Variants in BBS12 observed in about 807,000 individuals in gnomAD.
BBS12 encodes chaperonin-containing T-complex member BBS12.
BBS12 carries 5 observed loss-of-function variants against 5.6 expected under a neutral mutation model. The observed-to-expected ratio is 0.89, with a 90% confidence interval of 0.46 to 1.86. BBS12 has a LOEUF of 1.86. Ranked by LOEUF, BBS12 falls within the 40% of genes most tolerant of loss-of-function variation. The pLI is 0.01. For synonymous variants in BBS12, 308 were observed against 306.8 expected (o/e 1.00, Z -0.04); for missense variants, 748 against 830.4 (o/e 0.90, Z 1.22).
intron 1 of BBS12, among the ~76,000 whole-genome samples, chr4:122,738,000 A>T (rs932689902): frequency 3.9e-5 from 6 of 152,240 alleles, no homozygotes; most frequent in African/African-American, 1.4e-4. Context: ...CTCCTACCTT[A>T]CACTTTATAT....
At chr4:122,706,544 T>G in the BBS12 span, among the ~76,000 whole-genome samples, 4 of 152,124 alleles carry the variant, frequency 2.6e-5, no homozygotes, top group Non-Finnish European at 4.4e-5. Context: ...AAGACCAGCC[T>G]GAGTAACATG....
chr4:122,708,904 A>G, the BBS12 span, among the ~76,000 whole-genome samples: 3 of 152,194 alleles, frequency 2.0e-5, no homozygotes, highest in Admixed American at 6.5e-5. Context: ...ACTAAGGCTC[A>G]TTGTTATAAC....
At position 122,743,843 on chromosome 4, in the gene BBS12, G is replaced by A. The variant is rs1277602208; in HGVS notation, c.1951G>A (p.Asp651Asn). 3.7e-6 allele frequency: 6 copies of A among 1,605,804 alleles called. No homozygotes were observed. Among genetic ancestry groups the A allele is most frequent in the Non-Finnish European group, 5.1e-6 (6 of 1,176,576 alleles). Residue 651 changes from aspartate to asparagine, a missense_variant, in exon 2 of 2, where the codon GAC becomes AAC. Physicochemically the swap from Asp to Asn is conservative, Grantham distance 23. Coordinates refer to ENST00000314218, the MANE Select transcript of BBS12 (RefSeq NM_152618.3). ...SKLNSRIFNS[D>N]ISNKLEQIPR... ...ACTAAATAGTAGAATTTTTAATTCA[G>A]ACATTTCAAATAAACTGGAGCAGAT...
chr4:122,707,299 A>G, the BBS12 span, among the ~76,000 whole-genome samples: 1 of 71,138 alleles, frequency 1.4e-5, no homozygotes, highest in Admixed American at 1.5e-4. Flanking sequence ...GTAAATTATC[A>G]TTTGTTTCCC....
chr4:122,739,830 C>G (rs569350200), intron 1 of BBS12, among the ~76,000 whole-genome samples: 18 of 152,364 alleles, frequency 1.2e-4, no homozygotes, highest in African/African-American at 3.8e-4. Context: ...TATTAGAACA[C>G]GTCCCATGCC....
chr4:122,713,619 T>G, the BBS12 span, among the ~76,000 whole-genome samples: 1 of 152,380 alleles, frequency 6.6e-6, no homozygotes, highest in South Asian at 2.1e-4. Flanking sequence ...CCAACTCAAC[T>G]CTATCCTATG....
chr4:122,703,622 A>G, the BBS12 span, among the ~76,000 whole-genome samples: 1 of 152,164 alleles, frequency 6.6e-6, no homozygotes, highest in East Asian at 1.9e-4. Flanking sequence ...CATGCTTCCC[A>G]TAGTACCTCC....
At chr4:122,713,770 G>T in the BBS12 span, among the ~76,000 whole-genome samples, 97 of 152,288 alleles carry the variant, frequency 6.4e-4, 2 homozygotes, top group East Asian at 0.016. Flanking sequence ...TTAGACAACT[G>T]CTTGGAAGAC....
chr4:122,744,693 C>T lies in BBS12; in HGVS notation c.*668C>T, dbSNP rs546390401. 1.2e-5 allele frequency: 2 copies of T among 167,226 alleles called. No homozygotes were observed. The highest frequency in any genetic ancestry group is 4.1e-4 in the South Asian group (2 of 4,830). The allele number at this position is 167,226 out of a possible 1,614,324, so 10.4% of individuals were successfully genotyped here. A position where few individuals can be genotyped will look rare whatever the true frequency, so the allele number is the denominator to read the frequency against. On this transcript the variant is annotated 3_prime_UTR_variant, in exon 2 of 2. Transcript: ENST00000314218. The stretch of plus-strand genomic sequence containing the variant: ...CAGCTACTCTGATTAACCTGACAGT[C>T]GGGTTGTTTAGTCAGTACCAAATTT...
chr4:122,709,840 G>C, the BBS12 span, among the ~76,000 whole-genome samples: 3 of 152,032 alleles, frequency 2.0e-5, no homozygotes, highest in African/African-American at 7.2e-5. Context: ...ATTTTTAGTA[G>C]AGACGGGATT....
At chr4:122,724,462 AT>A in the BBS12 span, among the ~76,000 whole-genome samples, 2 of 152,220 alleles carry the variant, frequency 1.3e-5, no homozygotes, top group African/African-American at 4.8e-5. Context: ...AAATTCTGTG[AT>A]CTTTGACTAA....
chr4:122,741,827 C>A, intron 1 of BBS12, 56 bp from the exon 2 acceptor site: 1 of 1,434,674 alleles, frequency 7.0e-7, no homozygotes, highest in Non-Finnish European at 9.7e-7. Flanking sequence ...TTCTATATAG[C>A]ATTTATAACT....
the BBS12 span, among the ~76,000 whole-genome samples, chr4:122,709,870 G>T: frequency 1.3e-5 from 2 of 152,010 alleles, no homozygotes; most frequent in Non-Finnish European, 2.9e-5. Flanking sequence ...TGGCCAGGCT[G>T]GTCTCGAACT....
chr4:122,721,300 A>G, the BBS12 span, among the ~76,000 whole-genome samples: 3 of 152,238 alleles, frequency 2.0e-5, no homozygotes, highest in African/African-American at 7.2e-5. Flanking sequence ...TATACCTTGT[A>G]GGGATTTGAA....
Position 122,742,072 on chromosome 4 carries a change from G to A in BBS12, c.180G>A (p.Leu60=). The part of the protein sequence containing the change: ...ISSTVRLLES[L]DLTSAVGQLL... ...CAACAGTAAGGCTTCTTGAAAGTTT[G>A]GATTTAACCAGTGCAGTGGGACAAC... The change falls in exon 2 of 2, where the codon TTG becomes TTA. Residue 60 remains leucine, a synonymous_variant. Coordinates refer to ENST00000314218, the MANE Select transcript of BBS12 (RefSeq NM_152618.3). 1 of 1,614,134 alleles carries A rather than the reference G, an allele frequency of 6.2e-7. No homozygotes were observed. The highest frequency in any genetic ancestry group is 8.5e-7 in the Non-Finnish European group (1 of 1,180,010).
At chr4:122,701,557 T>C in the BBS12 span, among the ~76,000 whole-genome samples, 3 of 152,062 alleles carry the variant, frequency 2.0e-5, no homozygotes, top group Admixed American at 1.3e-4. Context: ...GATGAGGTGG[T>C]GAGAGAAGAT....
chr4:122,714,765 A>T, the BBS12 span, among the ~76,000 whole-genome samples: 1 of 152,184 alleles, frequency 6.6e-6, no homozygotes, highest in African/African-American at 2.4e-5. Context: ...TCTCAAAAAT[A>T]TAGTGTCAAG....
At chr4:122,717,942 T>A in the BBS12 span, among the ~76,000 whole-genome samples, 1 of 151,958 alleles carries the variant, frequency 6.6e-6, no homozygotes, top group Admixed American at 6.6e-5. Context: ...AAGCATAGAG[T>A]GTGGAGCCAG....
chr4:122,741,420 C>T (rs935151803), intron 1 of BBS12, among the ~76,000 whole-genome samples: 2 of 152,146 alleles, frequency 1.3e-5, no homozygotes, highest in Non-Finnish European at 2.9e-5. Context: ...CCCCTGACCT[C>T]GTGATCCGCC....
Sources: allele counts gnomAD v4.1 joint callset (sites outside exome capture counted in the v4.1 genomes callset), GRCh38; gene constraint gnomAD v4.1.1; transcripts MANE v1.5; gene names NCBI Gene and HGNC (gene_info 2026-07-23, HGNC 2026-07-21).